SELENOF: variants seen among roughly 807,000 people sequenced by gnomAD.
SELENOF encodes selenoprotein F.
SELENOF carries 16 observed loss-of-function variants against 20.5 expected under a neutral mutation model. The observed-to-expected ratio is 0.78, with a 90% CI of 0.53 to 1.19. The LOEUF (loss-of-function observed/expected upper bound fraction) is 1.19, where lower values mean the gene tolerates loss of function less well. Ranked by LOEUF, SELENOF falls within the 50% of genes most tolerant of loss-of-function variation. The pLI, the probability that SELENOF is intolerant of heterozygous loss-of-function variation, is 0.00. For synonymous variants in SELENOF, 78 were observed against 74.5 expected, an observed-to-expected ratio of 1.05 and a Z score of -0.24; for missense variants, 215 against 194.2, an observed-to-expected ratio of 1.11 and a Z score of -0.64.
chr1:86,878,910 T>C (rs548907621), intron 3 of SELENOF, among the ~76,000 whole-genome samples: 147 of 152,322 alleles, frequency 9.7e-4, no homozygotes, highest in Non-Finnish European at 1.8e-3. Flanking sequence ...TTACACATTA[T>C]GGAATTAATA....
chr1:86,906,571 C>T (rs1365297973), intron 1 of SELENOF, among the ~76,000 whole-genome samples: 2 of 152,196 alleles, frequency 1.3e-5, no homozygotes, highest in Non-Finnish European at 2.9e-5. Context: ...AGTATTCTTT[C>T]TTTCTAGGAA....
At chr1:86,888,926 C>T (rs1187447713) in intron 2 of SELENOF, among the ~76,000 whole-genome samples, 5 of 152,172 alleles carry the variant, frequency 3.3e-5, no homozygotes, top group Admixed American at 6.5e-5. Flanking sequence ...GGATTACAGG[C>T]GTGCCTGGCC....
chr1:86,912,830 G>C (rs1660019978), intron 1 of SELENOF, among the ~76,000 whole-genome samples: 4 of 152,086 alleles, frequency 2.6e-5, no homozygotes, highest in Admixed American at 6.5e-5. Flanking sequence ...AGAATTATGA[G>C]AAATCATTGC....
intron 2 of SELENOF, among the ~76,000 whole-genome samples, chr1:86,891,962 G>C (rs935602233): frequency 6.7e-6 from 1 of 150,316 alleles, no homozygotes; most frequent in Non-Finnish European, 1.5e-5. Context: ...ATGAAGTCTC[G>C]CTCTGTTGCC....
chr1:86,875,765 G>C (rs1039438659), intron 3 of SELENOF, among the ~76,000 whole-genome samples: 1 of 152,184 alleles, frequency 6.6e-6, no homozygotes, highest in African/African-American at 2.4e-5. Flanking sequence ...AAAGAGAAAA[G>C]TAAAACACTG....
Position 86,880,741 on chromosome 1 carries a change from CA to C in SELENOF, c.253-17del, listed in dbSNP as rs575446053. On this transcript the variant is annotated splice_polypyrimidine_tract_variant and intron_variant, in intron 2 of 4. Coordinates refer to ENST00000331835, the MANE Select transcript of SELENOF (RefSeq NM_004261.5). ...CTGCATACAGCTACAAAAGGAAAAA[CA>C]GGAATTTAAAAAACTGGTATAAATT... 3.2e-3 allele frequency: 4,892 copies of C among 1,519,730 alleles called. 6 individuals are homozygous for C. The highest frequency in any genetic ancestry group is 4.0e-3 in the Non-Finnish European group (4,498 of 1,129,302). 94.1% of individuals were successfully genotyped at this position (1,519,730 alleles called of 1,614,324 possible). A position where few individuals can be genotyped will look rare whatever the true frequency, so the allele number is the denominator to read the frequency against.
chr1:86,901,386 A>C (rs1659702210), intron 2 of SELENOF, among the ~76,000 whole-genome samples: 1 of 152,024 alleles, frequency 6.6e-6, no homozygotes, highest in Non-Finnish European at 1.5e-5. Context: ...AATATTTTTT[A>C]AGTGTTTTTT....
chr1:86,866,452 G>C (rs564052799), intron 4 of SELENOF, among the ~76,000 whole-genome samples: 5 of 151,846 alleles, frequency 3.3e-5, no homozygotes, highest in African/African-American at 1.2e-4. Flanking sequence ...GCAGGAGGGC[G>C]GGGGTGGTGG....
At chr1:86,891,294 C>T (rs1266428863) in intron 2 of SELENOF, among the ~76,000 whole-genome samples, 2 of 151,972 alleles carry the variant, frequency 1.3e-5, no homozygotes, top group Non-Finnish European at 2.9e-5. Flanking sequence ...GGTGATCTGC[C>T]TACCTCAGCC....
rs942447937 is a variant in SELENOF at position 86,863,216 on chromosome 1, G to A, written c.*258C>T. ...CAAACTATCATTTGCATAATTAACC[G>A]CAAGTCTGTTACAAAGCATTTTGTT... On this transcript the variant is annotated 3_prime_UTR_variant, in exon 5 of 5. Coordinates refer to ENST00000331835, the MANE Select transcript of SELENOF (RefSeq NM_004261.5). 5.3e-5 allele frequency: 17 copies of A among 320,246 alleles called. No homozygotes were observed. The highest frequency in any genetic ancestry group is 1.5e-4 in the African/African-American group (7 of 46,322). The allele number at this position is 320,246 out of a possible 1,614,324, so 19.8% of individuals were successfully genotyped here.
At chr1:86,871,767 G>T (rs1658775629) in intron 3 of SELENOF, among the ~76,000 whole-genome samples, 1 of 152,018 alleles carries the variant, frequency 6.6e-6, no homozygotes, top group Admixed American at 6.6e-5. Flanking sequence ...TAACGATGGT[G>T]AATTTTAAAA....
chr1:86,866,817 G>A (rs546836418), intron 4 of SELENOF, among the ~76,000 whole-genome samples: 2 of 152,332 alleles, frequency 1.3e-5, no homozygotes, highest in Non-Finnish European at 2.9e-5. Flanking sequence ...TAAAGCTGGT[G>A]AGGATGTGGA....
chr1:86,909,559 G>A (rs1301105080), intron 1 of SELENOF, among the ~76,000 whole-genome samples: 2 of 152,148 alleles, frequency 1.3e-5, no homozygotes, highest in Non-Finnish European at 2.9e-5. Flanking sequence ...GAGACACAAC[G>A]AAGGGAATAT....
At chr1:86,896,829 A>G (rs927180119) in intron 2 of SELENOF, among the ~76,000 whole-genome samples, 1 of 152,226 alleles carries the variant, frequency 6.6e-6, no homozygotes, top group Non-Finnish European at 1.5e-5. Flanking sequence ...ATTTCAGGAT[A>G]TAAGTGAAAT....
At chr1:86,869,727 CTTTCTTTCTTTTCT>C (rs1323405571) in intron 3 of SELENOF, among the ~76,000 whole-genome samples, 3 of 151,634 alleles carry the variant, frequency 2.0e-5, no homozygotes, top group South Asian at 4.2e-4. Context: ...TTCCTTCCTT[CTTTCTTTCTTTTCT>C]TTTCTTTCTT....
intron 3 of SELENOF, among the ~76,000 whole-genome samples, chr1:86,873,852 C>A (rs1251964740): frequency 2.3e-5 from 3 of 131,516 alleles, no homozygotes; most frequent in Admixed American, 7.6e-5. Flanking sequence ...AACTCCGTCT[C>A]AAAAAAAAAA....
rs1229157149 is a variant in SELENOF at position 86,863,035 on chromosome 1, G to A, written c.*439C>T. 1 of 153,234 alleles carries A rather than the reference G, an allele frequency of 6.5e-6. No individual in the cohort carries two copies. Among genetic ancestry groups the A allele is most frequent in the Non-Finnish European group, 1.5e-5 (1 of 68,440 alleles). The allele number at this position is 153,234 out of a possible 1,614,324, so 9.5% of individuals were successfully genotyped here. Reference sequence around the variant, plus strand: ...ACAAAAATAGGAGAGACTCTGAGGAGCAGGCAATCTGTTGAGGCTCAGTAT... The same window carrying A: ...ACAAAAATAGGAGAGACTCTGAGGAACAGGCAATCTGTTGAGGCTCAGTAT... On this transcript the variant is annotated 3_prime_UTR_variant, in exon 5 of 5. Coordinates refer to ENST00000331835, the MANE Select transcript of SELENOF (RefSeq NM_004261.5).
intron 4 of SELENOF, among the ~76,000 whole-genome samples, chr1:86,866,230 C>CTGTG (rs60714256): frequency 0.071 from 8,021 of 113,558 alleles, 344 homozygotes; most frequent in Middle Eastern, 0.11. Context: ...GTGTGTGTCT[C>CTGTG]TGTGTGTGTG....
chr1:86,873,092 T>TAAATAAAA (rs1553125409), intron 3 of SELENOF, among the ~76,000 whole-genome samples: 12 of 135,996 alleles, frequency 8.8e-5, no homozygotes, highest in African/African-American at 8.6e-5. Flanking sequence ...AATAAATAAA[T>TAAATAAAA]AAAATAAAAA....
Sources: gnomAD v4.1 joint callset for allele counts (sites outside exome capture counted in the v4.1 genomes callset) on GRCh38, gnomAD v4.1.1 for gene constraint, MANE v1.5 for transcripts, NCBI Gene and HGNC (gene_info 2026-07-23, HGNC 2026-07-21) for gene names.